Variants in ETV6 observed in about 807,000 individuals in gnomAD.
ETV6 encodes the protein ETS variant transcription factor 6.
A neutral mutation model predicts 51.1 loss-of-function variants in ETV6; 16 were observed. The ratio of observed to expected loss-of-function variants is 0.31; its 90% confidence interval spans 0.21 to 0.48. The LOEUF is 0.48. Ranked by LOEUF, ETV6 falls within the 20% of genes least tolerant of loss-of-function variation. The pLI, the probability that ETV6 is intolerant of heterozygous loss-of-function variation, is 0.99. For synonymous variants in ETV6, 240 were observed against 224.1 expected, an observed-to-expected ratio of 1.07 and a Z score of -0.64; for missense variants, 458 against 594.8, an observed-to-expected ratio of 0.77 and a Z score of 2.39.
At position 11,743,834 on chromosome 12, in the gene ETV6, C is replaced by T. The variant is rs115900057; in HGVS notation, c.34-8616C>T. Among the ~76,000 whole-genome samples the T allele has an allele frequency of 3.0e-3, 459 of 152,152 alleles. 3 individuals carry two copies. Among genetic ancestry groups the T allele is most frequent in the African/African-American group, 9.6e-3 (399 of 41,502 alleles). Reference sequence around the variant, plus strand: ...TTTTACAAGACTTCCAGGATATAGCCGTTAAAGAAGGACACAAAAAAGAGC... The same window carrying T: ...TTTTACAAGACTTCCAGGATATAGCTGTTAAAGAAGGACACAAAAAAGAGC... On this transcript the variant is annotated intron_variant, in intron 1 of 7. Transcript: ENST00000396373.
At chr12:11,756,013 T>G (rs1945000633) in intron 2 of ETV6, among the ~76,000 whole-genome samples, 2 of 151,976 alleles carry the variant, frequency 1.3e-5, no homozygotes, top group Admixed American at 1.3e-4. Flanking sequence ...ATACAGAGAG[T>G]TTCTCACCAT....
intron 3 of ETV6, among the ~76,000 whole-genome samples, chr12:11,842,533 C>T (rs1340571915): frequency 6.6e-6 from 1 of 152,124 alleles, no homozygotes; most frequent in Non-Finnish European, 1.5e-5. Context: ...TCTATTAAGT[C>T]GCCAAGTCTC....
intron 1 of ETV6, among the ~76,000 whole-genome samples, chr12:11,725,179 C>G (rs1475486955): frequency 6.7e-6 from 1 of 148,724 alleles, no homozygotes; most frequent in African/African-American, 2.5e-5. Context: ...TTTTTTTCCA[C>G]TCAACTTCTA....
chr12:11,665,154 C>T (rs913032595), intron 1 of ETV6, among the ~76,000 whole-genome samples: 3 of 152,156 alleles, frequency 2.0e-5, no homozygotes, highest in Non-Finnish European at 2.9e-5. Context: ...ACCACAGGCA[C>T]GTACCACCAC....
rs770683039 is a variant in ETV6 at position 11,672,405 on chromosome 12, C to T, written c.33+22245C>T. ...ATGGTAGGCAATTGAAACAGAGAGA[C>T]AAGCTGGCAAAAGGAAAAATAAAAC... is the stretch of plus-strand genomic sequence containing the variant. On this transcript the variant is annotated intron_variant, in intron 1 of 7. Transcript: ENST00000396373. 5.5e-4 allele frequency among the ~76,000 whole-genome samples: 84 copies of T among 152,290 alleles called. 1 individual carries two copies. The highest frequency in any genetic ancestry group is 3.4e-3 in the Middle Eastern group (1 of 294).
chr12:11,733,117 A>C (rs1216811758), intron 1 of ETV6, among the ~76,000 whole-genome samples: 2 of 152,274 alleles, frequency 1.3e-5, no homozygotes, highest in East Asian at 3.9e-4. Context: ...TATTAATATT[A>C]ACCACTTTGG....
At chr12:11,861,147 C>T (rs1454714139) in intron 4 of ETV6, among the ~76,000 whole-genome samples, 1 of 152,162 alleles carries the variant, frequency 6.6e-6, no homozygotes, top group Non-Finnish European at 1.5e-5. Context: ...ACAAGATTAA[C>T]CTTTTTGCAG....
chr12:11,850,026 T>TG (rs1292708774), intron 3 of ETV6, among the ~76,000 whole-genome samples: 1 of 152,202 alleles, frequency 6.6e-6, no homozygotes, highest in African/African-American at 2.4e-5. Context: ...GCCACACTCC[T>TG]GGGTCTTAGA....
chr12:11,762,992 C>T (rs1370115352), intron 2 of ETV6, among the ~76,000 whole-genome samples: 1 of 152,186 alleles, frequency 6.6e-6, no homozygotes, highest in Non-Finnish European at 1.5e-5. Context: ...TCCTCCTCCT[C>T]CTCGCATGCC....
intron 2 of ETV6, among the ~76,000 whole-genome samples, chr12:11,834,886 A>T (rs2136457497): frequency 6.6e-6 from 1 of 152,370 alleles, no homozygotes; most frequent in South Asian, 2.1e-4. Context: ...CATTGTACAG[A>T]TGAAGTCACT....
intron 1 of ETV6, among the ~76,000 whole-genome samples, chr12:11,658,650 C>T (rs753577478): frequency 3.9e-5 from 6 of 152,228 alleles, no homozygotes; most frequent in African/African-American, 7.2e-5. Context: ...GCTCTTGTCA[C>T]TGTCCCATTG....
intron 2 of ETV6, among the ~76,000 whole-genome samples, chr12:11,774,916 G>A (rs1945297221): frequency 1.3e-5 from 2 of 152,304 alleles, no homozygotes; most frequent in Admixed American, 6.5e-5. Flanking sequence ...CCGGGGTCAG[G>A]CAGGACAAGG....
chr12:11,830,480 A>G (rs1005163337), intron 2 of ETV6, among the ~76,000 whole-genome samples: 2 of 152,246 alleles, frequency 1.3e-5, no homozygotes, highest in Non-Finnish European at 2.9e-5. Flanking sequence ...GCTCCCTCGC[A>G]GAATAGATGA....
chr12:11,769,788 G>T (rs1945214931), intron 2 of ETV6, among the ~76,000 whole-genome samples: 1 of 152,196 alleles, frequency 6.6e-6, no homozygotes, highest in African/African-American at 2.4e-5. Flanking sequence ...AGACATTGAG[G>T]GGTTGATTAT....
chr12:11,803,300 T>C (rs1444754343), intron 2 of ETV6, among the ~76,000 whole-genome samples: 1 of 152,194 alleles, frequency 6.6e-6, no homozygotes, highest in Non-Finnish European at 1.5e-5. Flanking sequence ...TATAATTAAC[T>C]AGGAAGAAAT....
chr12:11,816,428 G>T (rs1037645497), intron 2 of ETV6, among the ~76,000 whole-genome samples: 3 of 152,040 alleles, frequency 2.0e-5, no homozygotes, highest in African/African-American at 4.8e-5. Flanking sequence ...TGTATTTTTG[G>T]TAGAGACGGG....
chr12:11,685,293 G>A (rs1450786999), intron 1 of ETV6, among the ~76,000 whole-genome samples: 1 of 147,482 alleles, frequency 6.8e-6, no homozygotes, highest in Non-Finnish European at 1.5e-5. Flanking sequence ...TTGTTGATCA[G>A]TTATGCTTCA....
intron 2 of ETV6, among the ~76,000 whole-genome samples, chr12:11,775,485 C>T (rs1242690927): frequency 1.3e-5 from 2 of 152,184 alleles, no homozygotes; most frequent in African/African-American, 2.4e-5. Flanking sequence ...TTTGTATTTA[C>T]ATCTTCAGCA....
intron 1 of ETV6, among the ~76,000 whole-genome samples, chr12:11,695,205 A>G (rs1317903357): frequency 1.3e-5 from 2 of 152,218 alleles, no homozygotes; most frequent in Admixed American, 1.3e-4. Flanking sequence ...AACAGATTCT[A>G]ATGAATTGAA....
Sources: gnomAD v4.1 joint callset for allele counts (sites outside exome capture counted in the v4.1 genomes callset) on GRCh38, gnomAD v4.1.1 for gene constraint, MANE v1.5 for transcripts, NCBI Gene and HGNC (gene_info 2026-07-23, HGNC 2026-07-21) for gene names.